The following ARHGEF1 variants were observed in gnomAD, a reference collection of about 807,000 sequenced individuals.
ARHGEF1 encodes Rho guanine nucleotide exchange factor 1.
Under a neutral mutation model 119.7 loss-of-function variants are expected in ARHGEF1, and 40 were observed. The ratio of observed to expected loss-of-function variants is 0.33; its 90% CI spans 0.26 to 0.44. ARHGEF1 has a LOEUF of 0.44. ARHGEF1 is among the 20% of genes least tolerant of loss of function. ARHGEF1 has a pLI of 1.00. For synonymous variants in ARHGEF1, 494 were observed against 521.0 expected, an observed-to-expected ratio of 0.95 and a Z score of 0.71; for missense variants, 976 against 1,268.3, an observed-to-expected ratio of 0.77 and a Z score of 3.50.
At position 41,907,168 on chromosome 19, in the gene ARHGEF1, T is replaced by C. The variant is rs947398189; in HGVS notation, c.*81T>C. On this transcript the variant is annotated 3_prime_UTR_variant, in exon 29 of 29. Coordinates refer to ENST00000354532, the MANE Select transcript of ARHGEF1 (RefSeq NM_004706.4). ...GAGGGACCACCCCCACCCACACAGC[T>C]GCCGCAGCATCTCACACCCCGAGGG... 10 of 1,530,000 alleles carry C rather than the reference T, an allele frequency of 6.5e-6. No individual in the cohort carries two copies. In the East Asian group the frequency reaches 2.0e-4, roughly 30 times the overall value. The allele number at this position is 1,530,000 out of a possible 1,614,324, so 94.8% of individuals were successfully genotyped here.
In ARHGEF1 at chr19:41,883,586, A is replaced by C. The variant is rs529487178; in HGVS notation, c.-20+297A>C. The stretch of plus-strand genomic sequence containing the variant: ...TCACTACCATTGTACGGGTGGGGAA[A>C]CCGAGGCCCGGGGAGCCAAACCGAC... On this transcript the variant is annotated intron_variant, in intron 1 of 28. Coordinates refer to ENST00000354532, the MANE Select transcript of ARHGEF1 (RefSeq NM_004706.4). The surrounding 1 kb of genome is among the most constrained non-coding windows in gnomAD (Gnocchi z 7.6). Among the ~76,000 whole-genome samples the C allele has an allele frequency of 1.3e-5, 2 of 152,190 alleles. No individual in the cohort carries two copies. Among genetic ancestry groups the C allele is most frequent in the African/African-American group, 4.8e-5 (2 of 41,526 alleles).
chr19:41,900,132 G>T (rs147516865), intron 14 of ARHGEF1, among the ~76,000 whole-genome samples: 2 of 152,078 alleles, frequency 1.3e-5, no homozygotes. Context: ...TCAGGAGTTC[G>T]AGACTAGCCT....
At chr19:41,908,382 GC>G (rs1599669901), downstream of ARHGEF1, 6 of 1,231,312 alleles carry the variant, frequency 4.9e-6, no homozygotes, top group Non-Finnish European at 5.1e-6. The surrounding 1 kb of genome is among the most constrained non-coding windows in gnomAD (Gnocchi z 6.7). Flanking sequence ...TGGACCCCCA[GC>G]CCCTGGCAGC....
downstream of ARHGEF1, among the ~76,000 whole-genome samples, chr19:41,911,594 G>A (rs1346533497): frequency 6.6e-6 from 1 of 152,182 alleles, no homozygotes; most frequent in East Asian, 1.9e-4. Context: ...GCTCCAGGCA[G>A]TCTCCTTGAG....
Position 41,902,057 on chromosome 19 carries a change from C to T in ARHGEF1, c.1414+24C>T, listed in dbSNP as rs782637447. On this transcript the variant is annotated intron_variant, in intron 15 of 28. Coordinates refer to ENST00000354532, the MANE Select transcript of ARHGEF1 (RefSeq NM_004706.4). This position sits in a 1 kb window ranked among gnomAD's most constrained non-coding sequence, Gnocchi z 6.5. ...TTGTGAGTGCAGAGCCAGGGTCCCT[C>T]TGTGTACCCCACTGCCCCACGGGCA... The T allele has an allele frequency of 6.2e-7, 1 of 1,607,178 alleles. No individual in the cohort carries two copies. Among genetic ancestry groups the T allele is most frequent in the Non-Finnish European group, 8.5e-7 (1 of 1,175,268 alleles).
Position 41,902,974 on chromosome 19 carries a change from A to T in ARHGEF1, c.1738+76A>T. 1.6e-6 allele frequency: 2 copies of T among 1,212,632 alleles called. No homozygotes were observed. The highest frequency in any genetic ancestry group is 2.3e-6 in the Non-Finnish European group (2 of 880,570). 75.1% of individuals were successfully genotyped at this position (1,212,632 alleles called of 1,614,324 possible). On this transcript the variant is annotated intron_variant, in intron 18 of 28. Transcript: ENST00000354532. This position sits in a 1 kb window ranked among gnomAD's most constrained non-coding sequence, Gnocchi z 6.5. ...ATTTTTTTTCTCACTCATTTTCATC[A>T]GTGATACCATCACAGCTCACTGCAG...
chr19:41,904,965 C>T lies in ARHGEF1; in HGVS notation c.2178C>T (p.Tyr726=), dbSNP rs782790236. The T allele has an allele frequency of 2.4e-5, 39 of 1,613,998 alleles. No homozygotes were observed. The highest frequency in any genetic ancestry group is 3.3e-5 in the South Asian group (3 of 91,088). The change falls in exon 23 of 29, where the codon TAC becomes TAT. Residue 726 remains tyrosine, a synonymous_variant. Transcript: ENST00000354532. The surrounding 1 kb of genome is among the most constrained non-coding windows in gnomAD (Gnocchi z 8.4). ...REVATDHKAF[Y]VLFTWDQEAQ... ...TCCCTGCAGATCACAAAGCCTTCTACGTCCTTTTTACCTGGGACCAGGAGG... is the reference window on the plus strand; with the variant it reads ...TCCCTGCAGATCACAAAGCCTTCTATGTCCTTTTTACCTGGGACCAGGAGG...
chr19:41,909,163 C>G (rs531211998), downstream of ARHGEF1: 15 of 1,231,726 alleles, frequency 1.2e-5, no homozygotes, highest in Non-Finnish European at 1.5e-5. The surrounding 1 kb of genome is among the most constrained non-coding windows in gnomAD (Gnocchi z 5.2). Context: ...GGGCAGAGAA[C>G]AGGGTTTGCA....
At chr19:41,922,332 CAGG>C (rs2074847295), upstream of ARHGEF1, among the ~76,000 whole-genome samples, 1 of 152,108 alleles carries the variant, frequency 6.6e-6, no homozygotes, top group Admixed American at 6.5e-5. Flanking sequence ...GGACAGAAAG[CAGG>C]AGATCAAGGG....
At chr19:41,921,776 G>A (rs1555852516), upstream of ARHGEF1, among the ~76,000 whole-genome samples, 3 of 151,658 alleles carry the variant, frequency 2.0e-5, no homozygotes, top group Admixed American at 2.0e-4. The surrounding 1 kb of genome is among the most constrained non-coding windows in gnomAD (Gnocchi z 4.4). Context: ...CAGACCTAAG[G>A]TGTGGATTCC....
At chr19:41,910,748 C>T (rs2074747046), downstream of ARHGEF1, among the ~76,000 whole-genome samples, 1 of 152,164 alleles carries the variant, frequency 6.6e-6, no homozygotes, top group South Asian at 2.1e-4. The surrounding 1 kb of genome is among the most constrained non-coding windows in gnomAD (Gnocchi z 4.4). Flanking sequence ...CACACATGCC[C>T]ACGGAAGACA....
In ARHGEF1 at chr19:41,903,571, G is replaced by A; in HGVS notation, c.1840-136G>A. 1 of 1,106,632 alleles carries A rather than the reference G, an allele frequency of 9.0e-7. No individual in the cohort carries two copies. The highest frequency in any genetic ancestry group is 1.3e-6 in the Non-Finnish European group (1 of 757,742). 68.6% of individuals were successfully genotyped at this position (1,106,632 alleles called of 1,614,324 possible). ...TGGCCCTCAGCATCTCCCTCTCAGG[G>A]TCATTGGAGGTCAGGCCCAACCCTC... On this transcript the variant is annotated intron_variant, in intron 19 of 28. Transcript: ENST00000354532. The surrounding 1 kb of genome is among the most constrained non-coding windows in gnomAD (Gnocchi z 4.2).
chr19:41,920,259 C>A (rs564195422), upstream of ARHGEF1, among the ~76,000 whole-genome samples: 39 of 132,978 alleles, frequency 2.9e-4, no homozygotes, highest in Non-Finnish European at 5.7e-4. Flanking sequence ...GAGGCACAGA[C>A]ATGACATGCT....
In ARHGEF1 at chr19:41,904,808, T is replaced by TAG. The variant is rs1448315317; in HGVS notation, c.2162-140_2162-139dup. The TAG allele has an allele frequency of 2.0e-5, 14 of 696,012 alleles. No individual in the cohort carries two copies. In the African/African-American group the frequency reaches 2.1e-4, roughly 11 times the overall value. 43.1% of individuals were successfully genotyped at this position (696,012 alleles called of 1,614,324 possible). On this transcript the variant is annotated intron_variant, in intron 22 of 28. Coordinates refer to ENST00000354532, the MANE Select transcript of ARHGEF1 (RefSeq NM_004706.4). The surrounding 1 kb of genome is among the most constrained non-coding windows in gnomAD (Gnocchi z 8.4). ...GGAGGACACATCGGGCCCTGGATAT[T>TAG]AGCAGACAGTGAGTGGTGAGTTGAG... is the stretch of plus-strand genomic sequence containing the variant.
At position 41,888,010 on chromosome 19, in the gene ARHGEF1, A is replaced by C. The variant is rs1600643291; in HGVS notation, c.-19-54A>C. 1 of 1,578,120 alleles carries C rather than the reference A, an allele frequency of 6.3e-7. No individual in the cohort carries two copies. Among genetic ancestry groups the C allele is most frequent in the South Asian group, 1.1e-5 (1 of 86,998 alleles). ...CTGGGCCAGGAATCTGTGAGTAACC[A>C]CCCTGGGCCGCCTCCTCCCACCCTC... On this transcript the variant is annotated intron_variant, in intron 1 of 28. Transcript: ENST00000354532. This position sits in a 1 kb window ranked among gnomAD's most constrained non-coding sequence, Gnocchi z 5.1.
chr19:41,913,950 C>A (rs1057371124), intron 18 of ARHGEF1, among the ~76,000 whole-genome samples: 2 of 151,038 alleles, frequency 1.3e-5, no homozygotes, highest in African/African-American at 4.9e-5. Context: ...TCCTGGAGAC[C>A]CCCCAGACGC....
chr19:41,898,265 G>A, intron 13 of ARHGEF1, 177 bp from the exon 14 acceptor site: 1 of 1,301,082 alleles, frequency 7.7e-7, no homozygotes, highest in Middle Eastern at 1.9e-4. Flanking sequence ...GGGGTAGAAT[G>A]CTTCTAGAGA....
At chr19:41,891,945 G>A in intron 4 of ARHGEF1, 80 bp from the exon 5 acceptor site, 5 of 1,253,590 alleles carry the variant, frequency 4.0e-6, no homozygotes, top group Non-Finnish European at 5.6e-6. Context: ...GCCAGGAGGT[G>A]AGGAAGGCCC....
At chr19:41,908,864 AC>A (rs1403804678), downstream of ARHGEF1, among the ~76,000 whole-genome samples, 1 of 138,692 alleles carries the variant, frequency 7.2e-6, no homozygotes, top group African/African-American at 2.8e-5. This position sits in a 1 kb window ranked among gnomAD's most constrained non-coding sequence, Gnocchi z 6.7. Context: ...TTCCTTAGGC[AC>A]CCCTGAAAGC....
Sources: gnomAD v4.1 joint callset for allele counts (sites outside exome capture counted in the v4.1 genomes callset) on GRCh38, gnomAD v4.1.1 for gene constraint, Gnocchi (gnomAD v3.1) non-coding constraint, MANE v1.5 for transcripts, NCBI Gene and HGNC (gene_info 2026-07-23, HGNC 2026-07-21) for gene names.